UNC79: variants seen among roughly 807,000 people sequenced by gnomAD.
The protein encoded by UNC79 is unc-79 subunit of NALCN channel complex.
UNC79 carries 37 observed loss-of-function variants against 283.1 expected under a neutral mutation model. That is an observed-to-expected ratio of 0.13 (90% CI 0.10 to 0.17). The LOEUF is 0.17. Ranked by LOEUF, UNC79 falls within the 10% of genes least tolerant of loss-of-function variation. The probability of loss-of-function intolerance (pLI) is 1.00; values close to 1 mark genes in which losing one functional copy is unlikely to be tolerated. For synonymous variants in UNC79, 1,107 were observed against 1,200.2 expected, an observed-to-expected ratio of 0.92 and a Z score of 1.61; for missense variants, 2,272 against 3,211.1, an observed-to-expected ratio of 0.71 and a Z score of 7.07.
intron 1 of UNC79, among the ~76,000 whole-genome samples, chr14:93,424,489 A>G (rs1304288106): frequency 2.0e-5 from 3 of 152,232 alleles, no homozygotes; most frequent in Admixed American, 6.5e-5. Flanking sequence ...ACATGTAAAG[A>G]AAATGTGGTA....
intron 1 of UNC79, among the ~76,000 whole-genome samples, chr14:93,451,438 C>T (rs1466563905): frequency 1.3e-5 from 2 of 152,222 alleles, no homozygotes; most frequent in Non-Finnish European, 2.9e-5. Context: ...GGTTGGAGGG[C>T]AGGGTTTGGT....
intron 30 of UNC79, among the ~76,000 whole-genome samples, chr14:93,630,330 A>T (rs1368615670): frequency 6.6e-6 from 1 of 152,186 alleles, no homozygotes; most frequent in Non-Finnish European, 1.5e-5. Context: ...TTTTGTTTGT[A>T]TATTTTTGTG....
intron 14 of UNC79, among the ~76,000 whole-genome samples, chr14:93,543,516 A>G (rs893565217): frequency 6.6e-6 from 1 of 151,648 alleles, no homozygotes; most frequent in Non-Finnish European, 1.5e-5. Context: ...GGCATGCATC[A>G]CCACATCCAT....
exon 46 of UNC79, chr14:93,691,824 A>G: frequency 6.2e-7 from 1 of 1,614,194 alleles, no homozygotes; most frequent in Non-Finnish European, 8.5e-7. Flanking sequence ...TTGCGAGCAA[A>G]GTGCCGTCGC....
At chr14:93,600,530 C>CT (rs2065425173) in intron 24 of UNC79, 39 bp from the exon 25 acceptor site, 1 of 1,511,724 alleles carries the variant, frequency 6.6e-7, no homozygotes, top group Admixed American at 2.0e-5. Flanking sequence ...TTATATCTGA[C>CT]TTTCTTCTTT....
intron 7 of UNC79, among the ~76,000 whole-genome samples, chr14:93,497,684 T>C (rs2059076394): frequency 6.6e-6 from 1 of 152,166 alleles, no homozygotes; most frequent in Non-Finnish European, 1.5e-5. Flanking sequence ...GCTCATGCAC[T>C]AAATAAAAAT....
At chr14:93,414,895 G>A (rs570870799) in intron 1 of UNC79, among the ~76,000 whole-genome samples, 1 of 152,268 alleles carries the variant, frequency 6.6e-6, no homozygotes, top group Admixed American at 6.5e-5. Context: ...TGCTGAAGTT[G>A]CTTATCAGCT....
intron 1 of UNC79, chr14:93,347,424 C>G: frequency 6.9e-7 from 1 of 1,450,196 alleles, no homozygotes; most frequent in Non-Finnish European, 9.0e-7. Context: ...TCATGGTGGG[C>G]GGGAAGCGCG....
chr14:93,550,183 G>T, intron 14 of UNC79, among the ~76,000 whole-genome samples: 1 of 152,264 alleles, frequency 6.6e-6, no homozygotes, highest in East Asian at 1.9e-4. Context: ...CAACAATTTA[G>T]TTAGTTACAG....
intron 1 of UNC79, chr14:93,347,379 GC>G: frequency 6.5e-7 from 1 of 1,548,874 alleles, no homozygotes. Flanking sequence ...CGCGCCAGCG[GC>G]CCCTGTCTGC....
chr14:93,653,255 G>A (rs902725236), intron 35 of UNC79, among the ~76,000 whole-genome samples: 1 of 151,950 alleles, frequency 6.6e-6, no homozygotes, highest in Non-Finnish European at 1.5e-5. Flanking sequence ...CTTTTTACAA[G>A]TGTCAGCTCA....
intron 26 of UNC79, among the ~76,000 whole-genome samples, chr14:93,611,883 A>G (rs985588806): frequency 6.6e-6 from 1 of 152,204 alleles, no homozygotes; most frequent in Non-Finnish European, 1.5e-5. Flanking sequence ...ATAATCCCCA[A>G]ACCATAAATA....
At chr14:93,634,322 T>G (rs529551243) in intron 31 of UNC79, among the ~76,000 whole-genome samples, 199 bp from the exon 34 acceptor site, 1 of 152,370 alleles carries the variant, frequency 6.6e-6, no homozygotes, top group East Asian at 1.9e-4. Context: ...TAATGGGCAC[T>G]GTTACCATCC....
chr14:93,353,829 A>C (rs978241822), intron 1 of UNC79, among the ~76,000 whole-genome samples: 4 of 152,244 alleles, frequency 2.6e-5, no homozygotes, highest in African/African-American at 9.6e-5. Flanking sequence ...AGAAAAAGTC[A>C]GTGCCCTAAC....
intron 14 of UNC79, among the ~76,000 whole-genome samples, chr14:93,558,593 A>ATTTTTTTTTTTT (rs71129647): frequency 1.1e-4 from 7 of 62,776 alleles, no homozygotes; most frequent in African/African-American, 1.5e-4. Context: ...AGAAACAGGG[A>ATTTTTTTTTTTT]TTTTTTTTTT....
intron 4 of UNC79, among the ~76,000 whole-genome samples, chr14:93,482,204 T>C (rs1162082722): frequency 6.6e-6 from 1 of 152,178 alleles, no homozygotes; most frequent in Non-Finnish European, 1.5e-5. Flanking sequence ...TCATCTTAAA[T>C]ATTGCTTGAG....
At chr14:93,376,557 T>C (rs556108835) in intron 1 of UNC79, among the ~76,000 whole-genome samples, 4 of 152,260 alleles carry the variant, frequency 2.6e-5, no homozygotes, top group Non-Finnish European at 5.9e-5. Flanking sequence ...ACAGTTGGAA[T>C]TTAAGAGTTT....
At chr14:93,467,149 C>T (rs1312851659) in intron 1 of UNC79, among the ~76,000 whole-genome samples, 1 of 152,162 alleles carries the variant, frequency 6.6e-6, no homozygotes, top group African/African-American at 2.4e-5. Flanking sequence ...TTCATGATCA[C>T]ATGTTGAGTT....
At chr14:93,576,001 C>G (rs778403631) in intron 17 of UNC79, among the ~76,000 whole-genome samples, 1 of 152,236 alleles carries the variant, frequency 6.6e-6, no homozygotes, top group Non-Finnish European at 1.5e-5. Context: ...CTTATTTTGT[C>G]ATCTTCCTGA....
Sources: allele counts gnomAD v4.1 joint callset (sites outside exome capture counted in the v4.1 genomes callset), GRCh38; gene constraint gnomAD v4.1.1; transcripts MANE v1.5; gene names NCBI Gene and HGNC (gene_info 2026-07-23, HGNC 2026-07-21).